C4orf50: variants seen among roughly 807,000 people sequenced by gnomAD.
C4orf50 encodes the protein chromosome 4 open reading frame 50, also known as uncharacterized protein C4orf50.
A neutral mutation model predicts 77.2 loss-of-function variants in C4orf50; 80 were observed. The ratio of observed to expected loss-of-function variants is 1.04; its 90% CI spans 0.87 to 1.25. The LOEUF (loss-of-function observed/expected upper bound fraction) is 1.25, where lower values mean the gene tolerates loss of function less well. Among genes scored for constraint, C4orf50 ranks in the 50% most tolerant of loss-of-function variants. The pLI is 0.00. For missense variants in C4orf50, 1,257 were observed against 1,152.9 expected (o/e 1.09, Z -1.31); for synonymous variants, 532 against 465.3 (o/e 1.14, Z -1.84).
At chr4:5,979,757 C>T (rs1008578160) in intron 29 of C4orf50, among the ~76,000 whole-genome samples, 1 of 152,206 alleles carries the variant, frequency 6.6e-6, no homozygotes, top group Non-Finnish European at 1.5e-5. Flanking sequence ...GAAATGGCCA[C>T]AATTCACTGA....
chr4:5,959,766 T>C (rs1025325914), intron 33 of C4orf50, 140 bp from the exon 12 acceptor site: 8 of 965,872 alleles, frequency 8.3e-6, no homozygotes, highest in African/African-American at 1.7e-5. Flanking sequence ...CACCAAATAC[T>C]CCTCACACAT....
In C4orf50 at chr4:5,905,532, A is replaced by G. The variant is rs1282151857; in HGVS notation, c.*2475-7344T>C. On this transcript the variant is annotated intron_variant, in intron 7 of 7. Coordinates refer to the C4orf50 transcript ENST00000324058. This position sits in a 1 kb window ranked among gnomAD's most constrained non-coding sequence, Gnocchi z 5.4. The stretch of plus-strand genomic sequence containing the variant: ...CTTCTACATGAAGCCATCCACATGC[A>G]CACACCTTTACGTCACTGGGAGACC... 2.0e-5 allele frequency: 3 copies of G among 152,234 alleles called. No individual in the cohort carries two copies. Among genetic ancestry groups the G allele is most frequent in the Admixed American group, 2.0e-4 (3 of 15,278 alleles). 9.4% of individuals were successfully genotyped at this position (152,234 alleles called of 1,614,324 possible).
chr4:5,903,553 G>C (rs1403463410), intron 7 of C4orf50: 1 of 152,182 alleles, frequency 6.6e-6, no homozygotes, highest in African/African-American at 2.4e-5. Flanking sequence ...AAAGGACAAA[G>C]ACTGTATGAT....
At chr4:5,926,050 G>A (rs1016253883) in intron 7 of C4orf50, among the ~76,000 whole-genome samples, 1 of 152,248 alleles carries the variant, frequency 6.6e-6, no homozygotes, top group African/African-American at 2.4e-5. Flanking sequence ...CGGACGACAC[G>A]ATAGCTGGAA....
chr4:5,931,499 G>A (rs910025416), intron 7 of C4orf50, among the ~76,000 whole-genome samples: 1 of 152,178 alleles, frequency 6.6e-6, no homozygotes, highest in African/African-American at 2.4e-5. Flanking sequence ...TAAAAACACA[G>A]AGCAATTTTC....
chr4:5,980,600 G>A (rs1720530064), intron 28 of C4orf50, among the ~76,000 whole-genome samples: 1 of 152,138 alleles, frequency 6.6e-6, no homozygotes, highest in South Asian at 2.1e-4. Context: ...ATGTATAGGA[G>A]TGGGTGGTTC....
chr4:6,004,243 G>A (rs1367451156), intron 25 of C4orf50, among the ~76,000 whole-genome samples: 1 of 97,164 alleles, frequency 1.0e-5, no homozygotes, highest in Non-Finnish European at 2.2e-5. Context: ...TGATGATGAT[G>A]GTGATGATGG....
At chr4:5,926,435 G>A (rs978598027) in intron 7 of C4orf50, among the ~76,000 whole-genome samples, 1 of 152,208 alleles carries the variant, frequency 6.6e-6, no homozygotes, top group Non-Finnish European at 1.5e-5. Context: ...TTACCCCAGA[G>A]CGTGGAGGGA....
At position 5,958,718 on chromosome 4, in the gene C4orf50, C is replaced by T. The variant is rs13144756; in HGVS notation, c.*657G>A. 2,747 of 152,324 alleles carry T rather than the reference C, an allele frequency of 0.018. 31 individuals carry two copies. The highest frequency in any genetic ancestry group is 0.031 in the Non-Finnish European group (2,121 of 68,070). The allele number at this position is 152,324 out of a possible 1,614,324, so 9.4% of individuals were successfully genotyped here. ...AACAGACGTTTTTGGAGTGGATGGA[C>T]TGATTAGAAAGTTCTGGTTAGTTTT... On this transcript the variant is annotated 3_prime_UTR_variant, in exon 34 of 34. Transcript: ENST00000531445. The surrounding 1 kb of genome is among the most constrained non-coding windows in gnomAD (Gnocchi z 5.4).
At chr4:5,951,244 G>A (rs1218384104) in intron 7 of C4orf50, among the ~76,000 whole-genome samples, 1 of 152,204 alleles carries the variant, frequency 6.6e-6, no homozygotes, top group Non-Finnish European at 1.5e-5. Context: ...ACAAAGTTGA[G>A]AGACTATCAA....
At chr4:5,912,029 G>A (rs1004859497) in intron 7 of C4orf50, among the ~76,000 whole-genome samples, 1 of 152,094 alleles carries the variant, frequency 6.6e-6, no homozygotes, top group Non-Finnish European at 1.5e-5. Context: ...TTGGGTGACA[G>A]AGCGAGACTC....
In C4orf50 at chr4:5,908,147, A is replaced by C. The variant is rs1716638624; in HGVS notation, c.*2475-9959T>G. Among the ~76,000 whole-genome samples the C allele has an allele frequency of 6.6e-6, 1 of 152,202 alleles. No homozygotes were observed. Among genetic ancestry groups the C allele is most frequent in the Non-Finnish European group, 1.5e-5 (1 of 68,038 alleles). ...GGCACTGTGTTCAAGGCTATGGAGA[A>C]TGTTGAGATGAATAAAACCCAGACA... On this transcript the variant is annotated intron_variant, in intron 7 of 7. Transcript: ENST00000324058. The surrounding 1 kb of genome is among the most constrained non-coding windows in gnomAD (Gnocchi z 5.6).
In C4orf50 at chr4:6,011,841, G is replaced by T; in HGVS notation, c.415C>A (p.Leu139Met). 2.5e-6 allele frequency: 1 copy of T among 399,078 alleles called. No individual in the cohort carries two copies. The highest frequency in any genetic ancestry group is 4.4e-6 in the Non-Finnish European group (1 of 226,090). The allele number at this position is 399,078 out of a possible 1,614,324, so 24.7% of individuals were successfully genotyped here. A position where few individuals can be genotyped will look rare whatever the true frequency, so the allele number is the denominator to read the frequency against. The change falls in exon 24 of 34, where the codon CTG becomes ATG. Residue 139 changes from leucine (L) to methionine (M), a missense_variant. Physicochemically the swap from Leu to Met is conservative, Grantham distance 15. Coordinates refer to ENST00000531445, the Ensembl canonical transcript of C4orf50. This position sits in a 1 kb window ranked among gnomAD's most constrained non-coding sequence, Gnocchi z 4.2. The stretch of plus-strand genomic sequence containing the variant: ...GAAGGAAACGGTACCTGGCTGGCCA[G>T]CTCCCCCTGCAGCGCCGCCAGCTTC...
At chr4:6,006,736 T>C (rs996493037) in intron 25 of C4orf50, among the ~76,000 whole-genome samples, 4 of 152,178 alleles carry the variant, frequency 2.6e-5, no homozygotes, top group Admixed American at 2.6e-4. Flanking sequence ...CGAGTAAATA[T>C]GCAAACCAGG....
downstream of C4orf50, among the ~76,000 whole-genome samples, chr4:5,954,474 G>T (rs866420166): frequency 6.6e-6 from 1 of 152,124 alleles, no homozygotes; most frequent in Non-Finnish European, 1.5e-5. This position sits in a 1 kb window ranked among gnomAD's most constrained non-coding sequence, Gnocchi z 4.7. Flanking sequence ...GCAGATGAGG[G>T]AGGTGATGTG....
chr4:5,988,481 C>T (rs916713140), exon 28 of C4orf50: 45 of 1,555,162 alleles, frequency 2.9e-5, no homozygotes, highest in Non-Finnish European at 3.6e-5. Flanking sequence ...TTGGCTACAC[C>T]AGTGTTTCTC....
intron 31 of C4orf50, among the ~76,000 whole-genome samples, chr4:5,968,369 G>A (rs571346857): frequency 6.6e-6 from 1 of 152,324 alleles, no homozygotes; most frequent in African/African-American, 2.4e-5. Flanking sequence ...TGGATTGACT[G>A]GTGGAGGGCT....
Position 5,970,026 on chromosome 4 carries a change from C to T in C4orf50, c.4105-2564G>A, listed in dbSNP as rs567007372. On this transcript the variant is annotated intron_variant, in intron 31 of 33. Transcript: ENST00000531445. The surrounding 1 kb of genome is among the most constrained non-coding windows in gnomAD (Gnocchi z 4.3). ...CCCTCTTCTCCTCTCCTTTGGTACC[C>T]GGGCCTCTGCCTCCAAGGTCTCAGG... 9.9e-5 allele frequency among the ~76,000 whole-genome samples: 15 copies of T among 152,162 alleles called. No homozygotes were observed. In the East Asian group the frequency reaches 1.2e-3, roughly 12 times the overall value.
At chr4:5,957,303 C>T (rs548862598) in exon 34 of C4orf50, 2 of 152,384 alleles carry the variant, frequency 1.3e-5, no homozygotes, top group South Asian at 2.1e-4. Flanking sequence ...TGTGGTGGCA[C>T]CACGCTGCAT....
Sources: allele counts gnomAD v4.1 joint callset (sites outside exome capture counted in the v4.1 genomes callset), GRCh38; gene constraint gnomAD v4.1.1; non-coding constraint Gnocchi (gnomAD v3.1); transcripts MANE v1.5; gene names NCBI Gene and HGNC (gene_info 2026-07-23, HGNC 2026-07-21).